LYPLAL1: variants seen among roughly 807,000 people sequenced by gnomAD.
LYPLAL1 encodes lysophospholipase like 1.
Under a neutral mutation model 19.7 loss-of-function variants are expected in LYPLAL1, and 23 were observed. The ratio of observed to expected loss-of-function variants is 1.17; its 90% CI spans 0.84 to 1.65. The LOEUF (loss-of-function observed/expected upper bound fraction) is 1.65. LYPLAL1 is among the 40% of genes most tolerant of loss of function. The pLI, the probability that LYPLAL1 is intolerant of heterozygous loss-of-function variation, is 0.00. For synonymous variants in LYPLAL1, 119 were observed against 96.3 expected, an observed-to-expected ratio of 1.24 and a Z score of -1.38; for missense variants, 355 against 279.4, an observed-to-expected ratio of 1.27 and a Z score of -1.93.
At chr1:219,241,404 A>T in the LYPLAL1 span, among the ~76,000 whole-genome samples, 41 of 152,094 alleles carry the variant, frequency 2.7e-4, no homozygotes, top group African/African-American at 9.6e-4. Context: ...TATACAAGAA[A>T]ACTTACATTA....
the LYPLAL1 span, among the ~76,000 whole-genome samples, chr1:219,287,997 C>T: frequency 6.6e-6 from 1 of 152,180 alleles, no homozygotes; most frequent in East Asian, 1.9e-4. Context: ...CTTGTACAGT[C>T]TGTGGAACTG....
At chr1:219,209,850 T>C (rs6692892) in intron 3 of LYPLAL1, among the ~76,000 whole-genome samples, 72,075 of 151,900 alleles carry the variant, frequency 0.47, 17,576 homozygotes, top group East Asian at 0.66. Context: ...GTCTGTGTAT[T>C]TTAATCTGCA....
At chr1:219,315,655 C>G in the LYPLAL1 span, among the ~76,000 whole-genome samples, 22 of 152,290 alleles carry the variant, frequency 1.4e-4, no homozygotes, top group African/African-American at 4.6e-4. Flanking sequence ...TGTTCACCAA[C>G]CCACCTCCAA....
the LYPLAL1 span, among the ~76,000 whole-genome samples, chr1:219,416,205 G>A: frequency 6.6e-6 from 1 of 152,044 alleles, no homozygotes; most frequent in Non-Finnish European, 1.5e-5. Context: ...TTTACCTAAT[G>A]TTCTTTTTCT....
chr1:219,227,489 T>C, the LYPLAL1 span, among the ~76,000 whole-genome samples: 8 of 152,228 alleles, frequency 5.3e-5, no homozygotes, highest in Non-Finnish European at 1.0e-4. Context: ...TGATCAGTTA[T>C]AGTGCTGAAA....
downstream of LYPLAL1, among the ~76,000 whole-genome samples, chr1:219,217,408 G>GTGTGTGTGT (rs58718037): frequency 4.0e-5 from 2 of 50,532 alleles, no homozygotes; most frequent in Non-Finnish European, 5.3e-5. Flanking sequence ...GTGTGTGTGT[G>GTGTGTGTGT]AGAGATGGTT....
At position 219,211,537 on chromosome 1, in the gene LYPLAL1, C is replaced by T. The variant is rs575642491; in HGVS notation, c.523C>T (p.His175Tyr). ...TGTACTTCCTGAATTATTTCAGTGT[C>T]ATGGTACTGCAGATGAGTTAGTTCT... ...NGVLPELFQC[H>Y]GTADELVLHS... The change falls in exon 5 of 5, where the codon CAT becomes TAT. Residue 175 changes from histidine to tyrosine, a missense_variant. His to Tyr is a moderately conservative substitution (Grantham distance 83). Transcript: ENST00000366928. The T allele has an allele frequency of 6.2e-7, 1 of 1,613,008 alleles. No individual in the cohort carries two copies. Among genetic ancestry groups the T allele is most frequent in the South Asian group, 1.1e-5 (1 of 91,030 alleles).
At chr1:219,408,768 T>A in the LYPLAL1 span, among the ~76,000 whole-genome samples, 1 of 151,954 alleles carries the variant, frequency 6.6e-6, no homozygotes, top group Non-Finnish European at 1.5e-5. Flanking sequence ...GGAAGAAAAA[T>A]GTGTGGACAA....
the LYPLAL1 span, among the ~76,000 whole-genome samples, chr1:219,220,947 A>G: frequency 6.6e-6 from 1 of 152,210 alleles, no homozygotes; most frequent in Non-Finnish European, 1.5e-5. Flanking sequence ...GGCAGCATTT[A>G]CAACCCCTAG....
At chr1:219,418,669 A>G in the LYPLAL1 span, among the ~76,000 whole-genome samples, 1 of 152,228 alleles carries the variant, frequency 6.6e-6, no homozygotes, top group East Asian at 1.9e-4. Flanking sequence ...TCCACAGTTT[A>G]CATTAGCATT....
rs1031361793 is a variant in LYPLAL1 at position 219,208,729 on chromosome 1, C to T, written c.362-1803C>T. 3.3e-5 allele frequency among the ~76,000 whole-genome samples: 5 copies of T among 151,886 alleles called. 1 individual carries two copies. The highest frequency in any genetic ancestry group is 4.1e-4 in the South Asian group (2 of 4,820). On this transcript the variant is annotated intron_variant, in intron 3 of 4. Transcript: ENST00000366928. ...ATAATTTATATTCAATAAATTAAAT[C>T]GATAAGAATTTTATTTCAAAATGTC...
the LYPLAL1 span, among the ~76,000 whole-genome samples, chr1:219,254,337 A>G: frequency 6.6e-6 from 1 of 151,876 alleles, no homozygotes; most frequent in African/African-American, 2.4e-5. Context: ...TTAGCTGGTT[A>G]TTATGTTAAC....
At chr1:219,370,587 A>G in the LYPLAL1 span, among the ~76,000 whole-genome samples, 12 of 152,172 alleles carry the variant, frequency 7.9e-5, no homozygotes, top group African/African-American at 2.9e-4. Context: ...AGCACCACCA[A>G]ACAACTTCGG....
chr1:219,207,681 T>G (rs1658680786), intron 3 of LYPLAL1, among the ~76,000 whole-genome samples: 1 of 152,044 alleles, frequency 6.6e-6, no homozygotes, highest in South Asian at 2.1e-4. Flanking sequence ...TAAATTCTAG[T>G]GAAAGTTAAG....
At chr1:219,228,047 C>G in the LYPLAL1 span, among the ~76,000 whole-genome samples, 1,152 of 152,286 alleles carry the variant, frequency 7.6e-3, 4 homozygotes, top group South Asian at 0.023. Flanking sequence ...GACTCCCTCT[C>G]TGGTAGAGAG....
the LYPLAL1 span, chr1:219,225,246 T>C: frequency 3.3e-5 from 5 of 152,148 alleles, no homozygotes; most frequent in African/African-American, 1.2e-4. Context: ...TGCAAAATTC[T>C]TACATTTACC....
the LYPLAL1 span, among the ~76,000 whole-genome samples, chr1:219,274,537 C>T: frequency 6.6e-6 from 1 of 152,114 alleles, no homozygotes; most frequent in Non-Finnish European, 1.5e-5. Context: ...AGGTGCCTGC[C>T]ACCATGCCCA....
At chr1:219,335,103 C>T in the LYPLAL1 span, among the ~76,000 whole-genome samples, 5,658 of 151,986 alleles carry the variant, frequency 0.037, 149 homozygotes, top group South Asian at 0.064. Flanking sequence ...TTTTCTTCAT[C>T]CAACTACATT....
the LYPLAL1 span, among the ~76,000 whole-genome samples, chr1:219,260,610 C>T: frequency 6.7e-6 from 1 of 148,512 alleles, no homozygotes; most frequent in East Asian, 1.9e-4. Context: ...TAAAGAACTT[C>T]ATTATATATA....
Sources: gnomAD v4.1 joint callset for allele counts (sites outside exome capture counted in the v4.1 genomes callset) on GRCh38, gnomAD v4.1.1 for gene constraint, MANE v1.5 for transcripts, NCBI Gene and HGNC (gene_info 2026-07-23, HGNC 2026-07-21) for gene names.